Variants in COL4A2 observed in about 807,000 individuals in gnomAD.
COL4A2 encodes collagen alpha-2(IV) chain.
COL4A2 carries 99 observed loss-of-function variants against 200.2 expected under a neutral mutation model. The observed-to-expected ratio is 0.49, with a 90% CI of 0.42 to 0.58. The LOEUF is 0.58. Ranked by LOEUF, COL4A2 falls within the 20% of genes least tolerant of loss-of-function variation. COL4A2 has a pLI of 0.00. For synonymous variants in COL4A2, 897 were observed against 900.6 expected (o/e 1.00, Z 0.07); for missense variants, 1,950 against 2,314.1 (o/e 0.84, Z 3.23).
intron 40 of COL4A2, among the ~76,000 whole-genome samples, chr13:110,496,989 A>G (rs566853267): frequency 5.9e-4 from 88 of 149,904 alleles, no homozygotes; most frequent in African/African-American, 2.1e-3. Context: ...GTGAGGATCT[A>G]GGGTCAGTCC....
At chr13:110,337,287 T>A (rs1053085203) in intron 3 of COL4A2, among the ~76,000 whole-genome samples, 1 of 152,188 alleles carries the variant, frequency 6.6e-6, no homozygotes, top group Non-Finnish European at 1.5e-5. Flanking sequence ...TGGGCTCGTG[T>A]GAAGGACACT....
At chr13:110,452,159 G>A (rs1360667369) in intron 20 of COL4A2, among the ~76,000 whole-genome samples, 2 of 143,584 alleles carry the variant, frequency 1.4e-5, no homozygotes, top group South Asian at 2.1e-4. Flanking sequence ...TTTTGAGACG[G>A]AGTCTCGCCT....
chr13:110,495,229 T>G, intron 39 of COL4A2, 113 bp from the exon 40 acceptor site: 1 of 1,260,178 alleles, frequency 7.9e-7, no homozygotes, highest in Non-Finnish European at 1.2e-6. Context: ...GAAATCACCA[T>G]GGCTGCCTCT....
At chr13:110,495,318 G>T in intron 39 of COL4A2, 24 bp from the exon 40 acceptor site, 1 of 1,613,996 alleles carries the variant, frequency 6.2e-7, no homozygotes, top group Non-Finnish European at 8.5e-7. Context: ...ACCGACATCA[G>T]CTGCTGTTAT....
intron 4 of COL4A2, among the ~76,000 whole-genome samples, chr13:110,373,808 G>A (rs1351931257): frequency 2.6e-5 from 4 of 152,168 alleles, no homozygotes; most frequent in African/African-American, 4.8e-5. Context: ...GCTCCTTTCC[G>A]CCTCTGTGTT....
At chr13:110,336,681 G>A (rs996035467) in intron 3 of COL4A2, among the ~76,000 whole-genome samples, 1 of 152,194 alleles carries the variant, frequency 6.6e-6, no homozygotes, top group Non-Finnish European at 1.5e-5. Context: ...TGGACCTCAG[G>A]GGGTGGCATC....
intron 4 of COL4A2, among the ~76,000 whole-genome samples, chr13:110,360,505 C>T (rs1877466822): frequency 6.6e-6 from 1 of 152,188 alleles, no homozygotes; most frequent in African/African-American, 2.4e-5. Context: ...TTCTAAGGAT[C>T]CCCAAGACTC....
intron 18 of COL4A2, among the ~76,000 whole-genome samples, chr13:110,449,258 CTTTG>C (rs1409588572): frequency 2.6e-5 from 4 of 152,034 alleles, no homozygotes; most frequent in Admixed American, 6.5e-5. Context: ...GCCACTTTGT[CTTTG>C]TTTGTTCAGG....
At chr13:110,345,717 A>G (rs993086179) in intron 3 of COL4A2, among the ~76,000 whole-genome samples, 1 of 152,104 alleles carries the variant, frequency 6.6e-6, no homozygotes, top group African/African-American at 2.4e-5. Context: ...GGCCATCTAT[A>G]TTAGGGGTGG....
At chr13:110,385,153 T>C (rs993766469) in intron 4 of COL4A2, among the ~76,000 whole-genome samples, 16 of 151,500 alleles carry the variant, frequency 1.1e-4, no homozygotes, top group African/African-American at 3.9e-4. Context: ...TCCCAGCCAC[T>C]TGGGAGGCTG....
Position 110,385,245 on chromosome 13 carries a change from G to C in COL4A2, c.180+27693G>C, listed in dbSNP as rs561850771. Among the ~76,000 whole-genome samples the C allele has an allele frequency of 6.6e-5, 10 of 151,688 alleles. No individual in the cohort carries two copies. In the South Asian group the frequency reaches 2.1e-3, roughly 32 times the overall value. Reference sequence around the variant, plus strand: ...CCACTGCACTCCAGCCTGGGCAACAGAGTGAGACTCCGTCTGAAAAAAAAA... The same window carrying C: ...CCACTGCACTCCAGCCTGGGCAACACAGTGAGACTCCGTCTGAAAAAAAAA... On this transcript the variant is annotated intron_variant, in intron 4 of 47. Transcript: ENST00000360467.
chr13:110,364,813 G>C (rs1877673704), intron 4 of COL4A2, among the ~76,000 whole-genome samples: 1 of 152,154 alleles, frequency 6.6e-6, no homozygotes, highest in South Asian at 2.1e-4. Flanking sequence ...ACTCAACGGA[G>C]ATTGGATGTT....
intron 4 of COL4A2, among the ~76,000 whole-genome samples, chr13:110,362,270 A>G (rs190072453): frequency 2.0e-5 from 3 of 152,336 alleles, no homozygotes; most frequent in African/African-American, 7.2e-5. Context: ...TCTAGTAAGC[A>G]TATTGGAATA....
At chr13:110,433,009 C>A (rs1042618710) in intron 11 of COL4A2, among the ~76,000 whole-genome samples, 2 of 152,236 alleles carry the variant, frequency 1.3e-5, no homozygotes, top group African/African-American at 4.8e-5. Context: ...AGTATTTGAT[C>A]AAAATGCAAC....
intron 3 of COL4A2, among the ~76,000 whole-genome samples, chr13:110,344,706 T>C (rs1489637127): frequency 6.6e-6 from 1 of 152,212 alleles, no homozygotes; most frequent in Admixed American, 6.5e-5. Context: ...TCCTTAGAAA[T>C]GCTTTCTCCA....
At chr13:110,398,665 T>G (rs1350958935) in intron 4 of COL4A2, among the ~76,000 whole-genome samples, 1 of 151,446 alleles carries the variant, frequency 6.6e-6, no homozygotes, top group African/African-American at 2.4e-5. Flanking sequence ...TGCCCTCCAG[T>G]CTAGGTGACA....
Position 110,508,347 on chromosome 13 carries a change from C to A in COL4A2, c.4881+126C>A. ...GTGTGCACTGCACAAGGGTAGTTGG[C>A]CCAGGAAGCGAGCGAGAGCTGGAAC... On this transcript the variant is annotated intron_variant, in intron 47 of 47. Coordinates refer to ENST00000360467, the MANE Select transcript of COL4A2 (RefSeq NM_001846.4). The surrounding 1 kb of genome is among the most constrained non-coding windows in gnomAD (Gnocchi z 6.1). 1.4e-6 allele frequency: 2 copies of A among 1,460,422 alleles called. No individual in the cohort carries two copies. The highest frequency in any genetic ancestry group is 1.9e-6 in the Non-Finnish European group (2 of 1,077,138). 90.5% of individuals were successfully genotyped at this position (1,460,422 alleles called of 1,614,324 possible).
intron 3 of COL4A2, among the ~76,000 whole-genome samples, chr13:110,316,808 T>A (rs1407486516): frequency 1.3e-5 from 2 of 152,166 alleles, no homozygotes; most frequent in East Asian, 3.9e-4. Flanking sequence ...ACCTCTGCTC[T>A]TAACCACTGG....
Position 110,489,718 on chromosome 13 carries a change from C to CG in COL4A2, c.3283dup (p.Asp1095GlyfsTer35). The CG allele has an allele frequency of 6.2e-7, 1 of 1,614,160 alleles. No individual in the cohort carries two copies. The highest frequency in any genetic ancestry group is 1.1e-5 in the South Asian group (1 of 91,064). Reference sequence around the variant, plus strand: ...CTTTTTTGCATGTAACAGGTGACATCGGGGACACTATAAATTTACCAGGAA... The same window carrying CG: ...CTTTTTTGCATGTAACAGGTGACATCGGGGGACACTATAAATTTACCAGGAA... On this transcript the variant is annotated frameshift_variant, in exon 36 of 48. Coordinates refer to ENST00000360467, the MANE Select transcript of COL4A2 (RefSeq NM_001846.4). LOFTEE classifies it high-confidence loss of function.
Sources: allele counts gnomAD v4.1 joint callset (sites outside exome capture counted in the v4.1 genomes callset), GRCh38; gene constraint gnomAD v4.1.1; non-coding constraint Gnocchi (gnomAD v3.1); transcripts MANE v1.5; gene names NCBI Gene and HGNC (gene_info 2026-07-23, HGNC 2026-07-21).